The following SPTBN5 variants were observed in gnomAD, a reference collection of about 807,000 sequenced individuals.
SPTBN5 encodes the protein spectrin beta chain, non-erythrocytic 5.
A neutral mutation model predicts 477.6 loss-of-function variants in SPTBN5; 513 were observed. The ratio of observed to expected loss-of-function variants is 1.07; its 90% CI spans 1.00 to 1.16. The LOEUF (loss-of-function observed/expected upper bound fraction) is 1.16, where lower values mean the gene tolerates loss of function less well. Among genes scored for constraint, SPTBN5 ranks in the 50% most tolerant of loss-of-function variants. SPTBN5 has a pLI of 0.00. For synonymous variants in SPTBN5, 2,169 were observed against 2,011.7 expected (o/e 1.08, Z -2.09); for missense variants, 5,062 against 4,731.8 (o/e 1.07, Z -2.05).
In SPTBN5 at chr15:41,883,095, T is replaced by C. The variant is rs1420344229; in HGVS notation, c.1793A>G (p.Glu598Gly). The C allele has an allele frequency of 1.2e-6, 2 of 1,606,926 alleles. No individual in the cohort carries two copies. The highest frequency in any genetic ancestry group is 1.7e-6 in the Non-Finnish European group (2 of 1,177,106). The change falls in exon 9 of 68, where the codon GAG becomes GGG. Residue 598 changes from glutamate to glycine, a missense_variant. Transcript: ENST00000320955. ...ACTGGTGCCCAGGGAGGAGTCCAGCTCTGCTGTCTGCTGAGCAAGATGGCT... is the reference window on the plus strand; with the variant it reads ...ACTGGTGCCCAGGGAGGAGTCCAGCCCTGCTGTCTGCTGAGCAAGATGGCT... ...HVSHLAQQTAELDSSLGTSVE... is the reference protein window; with the variant it reads ...HVSHLAQQTAGLDSSLGTSVE...
intron 32 of SPTBN5, among the ~76,000 whole-genome samples, chr15:41,869,494 G>A (rs1197068413): frequency 3.3e-5 from 5 of 152,222 alleles, no homozygotes; most frequent in Non-Finnish European, 2.9e-5. Flanking sequence ...GGGAGCTGAA[G>A]ACAGACATTA....
At chr15:41,887,835 C>G (rs2067202495) in intron 5 of SPTBN5, 93 bp downstream of exon 5, 4 of 1,315,994 alleles carry the variant, frequency 3.0e-6, no homozygotes, top group Non-Finnish European at 4.2e-6. Flanking sequence ...TCCTTCAAGC[C>G]TAGGGATGTG....
Position 41,874,061 on chromosome 15 carries a change from T to G in SPTBN5, c.4690-16A>C. 6.3e-7 allele frequency: 1 copy of G among 1,576,094 alleles called. No homozygotes were observed. The highest frequency in any genetic ancestry group is 8.6e-7 in the Non-Finnish European group (1 of 1,168,564). ...CCTGGAGCTCCTGCCACAGAGTGGC[T>G]TGAGAGGCTGCTGCTCTTAACCCAG... On this transcript the variant is annotated splice_polypyrimidine_tract_variant and intron_variant, in intron 24 of 67. Transcript: ENST00000320955.
In SPTBN5 at chr15:41,864,023, T is replaced by C. The variant is rs758938059; in HGVS notation, c.6920A>G (p.Asp2307Gly). The C allele has an allele frequency of 8.1e-6, 13 of 1,611,386 alleles. No individual in the cohort carries two copies. The Admixed American group carries it at 2.0e-4, about 25-fold the overall frequency. The change falls in exon 40 of 68, where the codon GAC becomes GGC. Residue 2307 changes from aspartate (D) to glycine (G), a missense_variant and splice_region_variant. By Grantham distance (94) the Asp-to-Gly change is moderately conservative (BLOSUM62 -1). Coordinates refer to ENST00000320955, the MANE Select transcript of SPTBN5 (RefSeq NM_016642.4). Reference sequence around the variant, plus strand: ...CCTGATGCAGGCATCACCCACTGTGTCCTGCAGGGGAGGTATGGGTGAGGG... The same window carrying C: ...CCTGATGCAGGCATCACCCACTGTGCCCTGCAGGGGAGGTATGGGTGAGGG... ...LREFRGNSAG[D>G]TVGDACIRSI...
rs80331862 is a variant in SPTBN5, at chr15:41,872,822, C to T, written c.5008-363G>A. On this transcript the variant is annotated intron_variant, in intron 26 of 67. Coordinates refer to ENST00000320955, the MANE Select transcript of SPTBN5 (RefSeq NM_016642.4). ...AGTTAAACAAGCTGTCCAGTATAGC[C>T]GGGAGATGGGTGCTCCGTGAGGCCA... 8.8e-4 allele frequency among the ~76,000 whole-genome samples: 134 copies of T among 152,282 alleles called. 2 individuals carry two copies. The East Asian group carries it at 0.02, about 23-fold the overall frequency.
In SPTBN5 at chr15:41,857,631, C is replaced by T; in HGVS notation, c.8306G>A (p.Trp2769Ter). ...QERLEELGAL[W>*]GELQDNSQKK... ...CTGGGAGTTGTCTTGCAGCTCACCCCAGAGTGCTCCCAGCTCCTCCAGTCG... is the reference window on the plus strand; with the variant it reads ...CTGGGAGTTGTCTTGCAGCTCACCCTAGAGTGCTCCCAGCTCCTCCAGTCG... Residue 2769 changes from tryptophan to a stop codon, truncating the protein, a stop_gained, in exon 50 of 68, where the codon TGG becomes TAG. Coordinates refer to ENST00000320955, the MANE Select transcript of SPTBN5 (RefSeq NM_016642.4). LOFTEE classifies it high-confidence loss of function. 1 of 1,602,480 alleles carries T rather than the reference C, an allele frequency of 6.2e-7. No homozygotes were observed. The highest frequency in any genetic ancestry group is 8.5e-7 in the Non-Finnish European group (1 of 1,174,690).
Position 41,869,891 on chromosome 15 carries a change from G to T in SPTBN5, c.5803C>A (p.Arg1935Ser). Residue 1935 changes from arginine (R) to serine (S), a missense_variant, in exon 32 of 68, where the codon CGC (arginine) becomes AGC (serine). Coordinates refer to ENST00000320955, the MANE Select transcript of SPTBN5 (RefSeq NM_016642.4). ...WAVLQRRMEQ[R>S]RAQLERARLL... ...CGTGCCCGCTCCAGCTGGGCCCTGCGCTGCTCCATGCGTCGCTGCAGCACT... is the reference window on the plus strand; with the variant it reads ...CGTGCCCGCTCCAGCTGGGCCCTGCTCTGCTCCATGCGTCGCTGCAGCACT... 1 of 1,554,052 alleles carries T rather than the reference G, an allele frequency of 6.4e-7. No homozygotes were observed. The highest frequency in any genetic ancestry group is 8.7e-7 in the Non-Finnish European group (1 of 1,155,196).
At position 41,855,740 on chromosome 15, in the gene SPTBN5, C is replaced by T; in HGVS notation, c.9027G>A (p.Leu3009=). ...QEAQQFLTEL[L]EAGSWLAERG... is the part of the protein sequence containing the mutation. ...GCTCAGCCAGCCAGGATCCCGCCTC[C>T]AGGAGCTGGGGGTGACAGAGTGGAG... Residue 3009 remains leucine, a synonymous_variant, in exon 54 of 68, where the codon CTG becomes CTA. Transcript: ENST00000320955. 1 of 1,579,880 alleles carries T rather than the reference C, an allele frequency of 6.3e-7. No homozygotes were observed. Among genetic ancestry groups the T allele is most frequent in the East Asian group, 2.3e-5 (1 of 43,744 alleles).
intron 67 of SPTBN5, among the ~76,000 whole-genome samples, chr15:41,849,005 G>A (rs1165206141): frequency 6.6e-6 from 1 of 152,206 alleles, no homozygotes; most frequent in African/African-American, 2.4e-5. Flanking sequence ...GGGAGCAGAT[G>A]GTTACACTGG....
Position 41,872,285 on chromosome 15 carries a change from G to C in SPTBN5, c.5165+17C>G. ...GCCTCCTGTACCCACTGATGAGAGG[G>C]GTTATGGTGTCCTCACCGTGTGGCC... On this transcript the variant is annotated intron_variant, in intron 27 of 67. Coordinates refer to ENST00000320955, the MANE Select transcript of SPTBN5 (RefSeq NM_016642.4). The C allele has an allele frequency of 3.1e-6, 5 of 1,608,006 alleles. No individual in the cohort carries two copies. The highest frequency in any genetic ancestry group is 1.1e-5 in the South Asian group (1 of 90,574).
rs2066715588 is a variant in SPTBN5 at position 41,876,108 on chromosome 15, C to G, written c.4122+6G>C. On this transcript the variant is annotated splice_donor_region_variant and intron_variant, in intron 21 of 67. Transcript: ENST00000320955. ...GGCTCTGCACCCTCTGTCCCGTGTC[C>G]CCCACCTGCTGCAGGGCCTCCACGT... 1 of 1,595,498 alleles carries G rather than the reference C, an allele frequency of 6.3e-7. No individual in the cohort carries two copies. Among genetic ancestry groups the G allele is most frequent in the African/African-American group, 1.3e-5 (1 of 74,828 alleles).
At chr15:41,861,259 C>A (rs1055433429) in intron 46 of SPTBN5, among the ~76,000 whole-genome samples, 160 bp downstream of exon 46, 1 of 152,224 alleles carries the variant, frequency 6.6e-6, no homozygotes, top group Non-Finnish European at 1.5e-5. Context: ...CTCTAGATGA[C>A]GGGTAAGTAA....
In SPTBN5 at chr15:41,879,393, G is replaced by T; in HGVS notation, c.3049C>A (p.Arg1017=). 1 of 1,610,608 alleles carries T rather than the reference G, an allele frequency of 6.2e-7. No homozygotes were observed. Residue 1017 remains arginine, a synonymous_variant, in exon 16 of 68, where the codon CGA becomes AGA. Transcript: ENST00000320955. ...GCCTCCAGCTGGAGGAGCACGTCTC[G>T]CAGCTGGACCTGTGTGGGTCCACAC... ...QECGPTQVQL[R]DVLLQLEALQ...
chr15:41,890,599 G>A (rs1221968959), intron 3 of SPTBN5, among the ~76,000 whole-genome samples: 1 of 152,214 alleles, frequency 6.6e-6, no homozygotes, highest in Non-Finnish European at 1.5e-5. Flanking sequence ...CATCTCCCAG[G>A]GTGTCCTGGG....
rs1356161691 is a variant in SPTBN5 at position 41,854,779 on chromosome 15, T to C, written c.9618+3A>G. ...TAGCTTGGCCCGGCCTGTGATCACCTACCTCTGTGCGGGCTTTTATTGCTT... is the reference window on the plus strand; with the variant it reads ...TAGCTTGGCCCGGCCTGTGATCACCCACCTCTGTGCGGGCTTTTATTGCTT... On this transcript the variant is annotated splice_donor_region_variant and intron_variant, in intron 56 of 67. Coordinates refer to ENST00000320955, the MANE Select transcript of SPTBN5 (RefSeq NM_016642.4). 1 of 1,523,896 alleles carries C rather than the reference T, an allele frequency of 6.6e-7. No homozygotes were observed. 94.4% of individuals were successfully genotyped at this position (1,523,896 alleles called of 1,614,324 possible).
In SPTBN5 at chr15:41,863,834, T is replaced by A. The variant is rs752402710; in HGVS notation, c.7035-16A>T. Reference sequence around the variant, plus strand: ...ACTCGCCCACCTGGCCAAGGGGTGGTGGTGTCATGTGGAGCCTGAGGTGGC... The same window carrying A: ...ACTCGCCCACCTGGCCAAGGGGTGGAGGTGTCATGTGGAGCCTGAGGTGGC... On this transcript the variant is annotated splice_polypyrimidine_tract_variant and intron_variant, in intron 40 of 67. Transcript: ENST00000320955. 1.9e-6 allele frequency: 3 copies of A among 1,613,476 alleles called. No homozygotes were observed. The highest frequency in any genetic ancestry group is 2.2e-5 in the South Asian group (2 of 91,056).
Position 41,852,192 on chromosome 15 carries a change from C to G in SPTBN5, c.10574G>C (p.Arg3525Thr). Reference protein sequence around the residue: ...QGLGAQLAETRDPQDAKGTPT... With the variant: ...QGLGAQLAETTDPQDAKGTPT... Reference sequence around the variant, plus strand: ...CATAGGGACACCTGCCTGGGGGTCCCTCGTCTCAGCCAGCTGTGCTCCTAG... The same window carrying G: ...CATAGGGACACCTGCCTGGGGGTCCGTCGTCTCAGCCAGCTGTGCTCCTAG... Residue 3525 changes from arginine (R) to threonine (T), a missense_variant, in exon 62 of 68, where the codon AGG becomes ACG. Coordinates refer to ENST00000320955, the MANE Select transcript of SPTBN5 (RefSeq NM_016642.4). 1 of 1,594,858 alleles carries G rather than the reference C, an allele frequency of 6.3e-7. No individual in the cohort carries two copies. The highest frequency in any genetic ancestry group is 8.6e-7 in the Non-Finnish European group (1 of 1,167,372).
In SPTBN5 at chr15:41,855,542, C is replaced by T. The variant is rs112584624; in HGVS notation, c.9218+7G>A. On this transcript the variant is annotated splice_region_variant and intron_variant, in intron 54 of 67. Transcript: ENST00000320955. ...GCTCCTTCGCGGATGGTGTGGCTTC[C>T]GCCCACCTTTCTGGGTTCTTCCTGC... 3,070 of 1,607,120 alleles carry T rather than the reference C, an allele frequency of 1.9e-3. 22 individuals carry two copies. In the African/African-American group the frequency reaches 0.021, roughly 11 times the overall value.
chr15:41,865,854 A>G lies in SPTBN5; in HGVS notation c.6872T>C (p.Leu2291Pro), dbSNP rs752798813. ...GDLGQDLEHC[L>P]QLRRRLREFR... ...CTCGCGGAGCCGCCGTCGGAGCTGC[A>G]GGCAGTGCTCCAGGTCCTGGCCCAG... The change falls in exon 39 of 68, where the codon CTG becomes CCG. Residue 2291 changes from leucine to proline, a missense_variant. By Grantham distance (98) the Leu-to-Pro change is moderately conservative. Transcript: ENST00000320955. 1.9e-6 allele frequency: 3 copies of G among 1,582,606 alleles called. No homozygotes were observed. Among genetic ancestry groups the G allele is most frequent in the Non-Finnish European group, 8.6e-7 (1 of 1,164,964 alleles).
Sources: allele counts gnomAD v4.1 joint callset (sites outside exome capture counted in the v4.1 genomes callset), GRCh38; gene constraint gnomAD v4.1.1; transcripts MANE v1.5; gene names NCBI Gene and HGNC (gene_info 2026-07-23, HGNC 2026-07-21).